The following DCP1A variants were observed in gnomAD, a reference collection of about 807,000 sequenced individuals.
The protein encoded by DCP1A is mRNA-decapping enzyme 1A.
Under a neutral mutation model 58.0 loss-of-function variants are expected in DCP1A, and 20 were observed. The observed-to-expected ratio is 0.34, with a 90% confidence interval of 0.24 to 0.50. The LOEUF is 0.50. Ranked by LOEUF, DCP1A falls within the 20% of genes least tolerant of loss-of-function variation. The probability of loss-of-function intolerance (pLI) is 0.98; values close to 1 mark genes in which losing one functional copy is unlikely to be tolerated. For missense variants in DCP1A, 613 were observed against 712.2 expected (o/e 0.86, Z 1.59); for synonymous variants, 285 against 275.1 (o/e 1.04, Z -0.36).
intron 6 of DCP1A, among the ~76,000 whole-genome samples, chr3:53,303,318 G>C (rs190303917): frequency 1.6e-4 from 24 of 152,220 alleles, no homozygotes; most frequent in African/African-American, 5.1e-4. Flanking sequence ...TCAGACTGGA[G>C]TGCACTGGTG....
intron 6 of DCP1A, among the ~76,000 whole-genome samples, chr3:53,296,275 C>T (rs1350479904): frequency 6.6e-5 from 10 of 152,228 alleles, no homozygotes; most frequent in Admixed American, 1.3e-4. Context: ...TCCCACAATG[C>T]AAGACAACAA....
intron 3 of DCP1A, among the ~76,000 whole-genome samples, chr3:53,324,847 CTTGT>C (rs1708066171): frequency 6.6e-6 from 1 of 151,012 alleles, no homozygotes; most frequent in South Asian, 2.1e-4. Context: ...ACAGTGGGAC[CTTGT>C]TTATTTTTTA....
intron 3 of DCP1A, among the ~76,000 whole-genome samples, chr3:53,327,370 G>C (rs1231543721): frequency 6.6e-6 from 1 of 152,236 alleles, no homozygotes; most frequent in Non-Finnish European, 1.5e-5. Context: ...AGGAATCCAA[G>C]TGCTGTGTGG....
intron 3 of DCP1A, among the ~76,000 whole-genome samples, chr3:53,331,988 T>C (rs1388674379): frequency 1.3e-5 from 2 of 152,216 alleles, no homozygotes; most frequent in Non-Finnish European, 2.9e-5. Context: ...ACAATTACTT[T>C]TGCACCAACC....
At position 53,311,796 on chromosome 3, in the gene DCP1A, G is replaced by A. The variant is rs370448888; in HGVS notation, c.510+445C>T. Among the ~76,000 whole-genome samples the A allele has an allele frequency of 9.2e-5, 14 of 152,292 alleles. No homozygotes were observed. In the East Asian group the frequency reaches 1.2e-3, roughly 13 times the overall value. On this transcript the variant is annotated intron_variant, in intron 5 of 9. Transcript: ENST00000610213. Reference sequence around the variant, plus strand: ...CGAAGCTTTACCAGAACTAGCTGCTGCGAGCTAACTTCTGCACTCCAAGAC... The same window carrying A: ...CGAAGCTTTACCAGAACTAGCTGCTACGAGCTAACTTCTGCACTCCAAGAC...
chr3:53,290,270 G>T (rs192188466), intron 8 of DCP1A, among the ~76,000 whole-genome samples: 147 of 152,348 alleles, frequency 9.6e-4, no homozygotes, highest in African/African-American at 3.5e-3. Flanking sequence ...AGAGCAATGG[G>T]AAATGAGAGG....
chr3:53,329,675 A>G (rs1553691087), intron 3 of DCP1A, among the ~76,000 whole-genome samples: 2 of 152,236 alleles, frequency 1.3e-5, no homozygotes, highest in African/African-American at 2.4e-5. Flanking sequence ...CTGTCAAGGT[A>G]AAATAAAATT....
In DCP1A at chr3:53,288,025, A is replaced by G. The variant is rs565921330; in HGVS notation, c.1668+40T>C. 2.5e-4 allele frequency: 382 copies of G among 1,529,280 alleles called. 6 individuals carry two copies. The Middle Eastern group carries it at 4.3e-3, about 17-fold the overall frequency. The allele number at this position is 1,529,280 out of a possible 1,614,324, so 94.7% of individuals were successfully genotyped here. A position where few individuals can be genotyped will look rare whatever the true frequency, so the allele number is the denominator to read the frequency against. ...GGAATTTATAAAATTTCTTTCATTAAATAATGAAAAATCAAAGATAAAATT... is the reference window on the plus strand; with the variant it reads ...GGAATTTATAAAATTTCTTTCATTAGATAATGAAAAATCAAAGATAAAATT... On this transcript the variant is annotated intron_variant, in intron 9 of 9. Transcript: ENST00000610213.
At chr3:53,304,133 C>G (rs988636573) in intron 6 of DCP1A, 44 bp downstream of exon 6, 13 of 1,429,956 alleles carry the variant, frequency 9.1e-6, no homozygotes, top group Non-Finnish European at 2.9e-6. Context: ...CTGAATGTTA[C>G]TCTTTGTTAC....
chr3:53,334,082 A>G (rs373484775), intron 3 of DCP1A, among the ~76,000 whole-genome samples: 19 of 152,196 alleles, frequency 1.2e-4, no homozygotes, highest in African/African-American at 4.6e-4. Flanking sequence ...GACAATATAG[A>G]GAGACCTTGT....
At chr3:53,306,858 C>A (rs1373953527) in intron 5 of DCP1A, among the ~76,000 whole-genome samples, 3 of 150,580 alleles carry the variant, frequency 2.0e-5, no homozygotes, top group Non-Finnish European at 4.4e-5. Context: ...TTTAAGGCTG[C>A]AGCAAGCTAT....
At chr3:53,292,902 C>G in intron 6 of DCP1A, 75 bp from the exon 7 acceptor site, 1 of 1,468,196 alleles carries the variant, frequency 6.8e-7, no homozygotes, top group Non-Finnish European at 9.1e-7. Context: ...TTTCCAGAAG[C>G]CAAAGATTTT....
intron 4 of DCP1A, among the ~76,000 whole-genome samples, chr3:53,313,857 T>C (rs1158755718): frequency 1.3e-5 from 2 of 151,892 alleles, no homozygotes; most frequent in African/African-American, 4.8e-5. Context: ...GGTTAAACAA[T>C]ATTAAACCGA....
chr3:53,313,339 A>G (rs977745035), intron 4 of DCP1A, among the ~76,000 whole-genome samples: 1 of 151,912 alleles, frequency 6.6e-6, no homozygotes, highest in African/African-American at 2.4e-5. Context: ...GGACTGCTTG[A>G]GTCTGGGAGG....
At chr3:53,339,721 T>C (rs1164680499) in intron 3 of DCP1A, among the ~76,000 whole-genome samples, 4 of 152,158 alleles carry the variant, frequency 2.6e-5, no homozygotes, top group African/African-American at 9.7e-5. Context: ...ACTTTTGCCT[T>C]GTGAAAAAAA....
intron 4 of DCP1A, among the ~76,000 whole-genome samples, chr3:53,315,174 T>A (rs537561192): frequency 1.3e-5 from 2 of 152,274 alleles, no homozygotes; most frequent in South Asian, 4.1e-4. Context: ...GGAATAAAGC[T>A]TACTTCCATG....
chr3:53,325,515 G>A (rs1360580099), intron 3 of DCP1A, among the ~76,000 whole-genome samples: 1 of 152,108 alleles, frequency 6.6e-6, no homozygotes, highest in Non-Finnish European at 1.5e-5. Flanking sequence ...AAAAAGTTAT[G>A]CAATTTCTAA....
At chr3:53,310,146 T>G (rs1051956700) in intron 5 of DCP1A, among the ~76,000 whole-genome samples, 5 of 152,176 alleles carry the variant, frequency 3.3e-5, no homozygotes, top group African/African-American at 1.2e-4. Flanking sequence ...AAAGTAAATA[T>G]CAAAGATTTA....
chr3:53,302,994 G>A (rs1287934622), intron 6 of DCP1A, among the ~76,000 whole-genome samples: 2 of 151,842 alleles, frequency 1.3e-5, no homozygotes, highest in African/African-American at 2.4e-5. Flanking sequence ...TGCTACCCAG[G>A]CTGGAGTGCA....
Sources: gnomAD v4.1 joint callset for allele counts (sites outside exome capture counted in the v4.1 genomes callset) on GRCh38, gnomAD v4.1.1 for gene constraint, MANE v1.5 for transcripts, NCBI Gene and HGNC (gene_info 2026-07-23, HGNC 2026-07-21) for gene names.